Variants in PHF21B observed in about 807,000 individuals in gnomAD.
PHF21B encodes PHD finger protein 21B.
PHF21B carries 22 observed loss-of-function variants against 62.2 expected under a neutral mutation model. That is an observed-to-expected ratio of 0.35 (90% confidence interval 0.25 to 0.51). The LOEUF (loss-of-function observed/expected upper bound fraction) is 0.51. Ranked by LOEUF, PHF21B falls within the 20% of genes least tolerant of loss-of-function variation. The pLI is 0.97. For synonymous variants in PHF21B, 341 were observed against 314.7 expected (o/e 1.08, Z -0.88); for missense variants, 701 against 707.9 (o/e 0.99, Z 0.11).
intron 2 of PHF21B, chr22:45,008,271 G>A (rs1010581582): frequency 3.2e-5 from 10 of 316,052 alleles, no homozygotes; most frequent in Non-Finnish European, 5.7e-5. Context: ...CCAAAAACAT[G>A]TCCACCACCT....
intron 10 of PHF21B, among the ~76,000 whole-genome samples, chr22:44,886,513 C>A (rs1021928622): frequency 6.6e-6 from 1 of 151,518 alleles, no homozygotes; most frequent in African/African-American, 2.4e-5. Context: ...AAAGTGAGAC[C>A]CAACCTCTAC....
chr22:44,987,757 T>C (rs2147496749), intron 2 of PHF21B, among the ~76,000 whole-genome samples: 1 of 79,364 alleles, frequency 1.3e-5, no homozygotes, highest in South Asian at 5.8e-4. Flanking sequence ...CCCAACACTC[T>C]CTCGTCTCCT....
At chr22:44,946,059 G>A (rs1041777361) in intron 2 of PHF21B, among the ~76,000 whole-genome samples, 7 of 151,200 alleles carry the variant, frequency 4.6e-5, no homozygotes, top group East Asian at 3.9e-4. Context: ...GGTGGACACC[G>A]CCCTGGCCTC....
intron 6 of PHF21B, 100 bp downstream of exon 6, chr22:44,895,932 C>A: frequency 7.7e-7 from 1 of 1,304,482 alleles, no homozygotes; most frequent in South Asian, 1.2e-5. Context: ...ATATCGGCTG[C>A]TGCTGAAGCC....
chr22:44,901,085 G>A (rs2071150991), intron 5 of PHF21B, among the ~76,000 whole-genome samples: 1 of 152,268 alleles, frequency 6.6e-6, no homozygotes, highest in Non-Finnish European at 1.5e-5. Flanking sequence ...TGGAGCAGCT[G>A]AGGGGGCTGC....
At chr22:44,931,872 G>C (rs2071749640) in intron 2 of PHF21B, among the ~76,000 whole-genome samples, 1 of 152,192 alleles carries the variant, frequency 6.6e-6, no homozygotes, top group South Asian at 2.1e-4. Context: ...CCCACCAGGA[G>C]CCTCCTGTGC....
intron 2 of PHF21B, among the ~76,000 whole-genome samples, chr22:44,951,750 T>C (rs889260937): frequency 1.8e-4 from 27 of 152,018 alleles, no homozygotes; most frequent in African/African-American, 6.5e-4. Context: ...GCTGAACACC[T>C]TTTTTTTGGT....
intron 2 of PHF21B, among the ~76,000 whole-genome samples, chr22:44,945,723 G>C (rs996428737): frequency 7.6e-5 from 2 of 26,184 alleles, no homozygotes; most frequent in African/African-American, 2.5e-4. Flanking sequence ...AATTGGGGGG[G>C]GGGTGGTATA....
At chr22:44,932,932 G>A (rs1027163832) in intron 2 of PHF21B, among the ~76,000 whole-genome samples, 1 of 152,224 alleles carries the variant, frequency 6.6e-6, no homozygotes, top group Admixed American at 6.5e-5. Flanking sequence ...TAACCACCGT[G>A]CAGACCAAGA....
At chr22:45,000,512 G>A (rs1301985120) in intron 2 of PHF21B, 1 of 152,140 alleles carries the variant, frequency 6.6e-6, no homozygotes, top group Non-Finnish European at 1.5e-5. Context: ...AAATCACAAG[G>A]CTAATCATCA....
chr22:44,979,817 C>T (rs563168613), intron 2 of PHF21B, among the ~76,000 whole-genome samples: 1 of 152,016 alleles, frequency 6.6e-6, no homozygotes, highest in Admixed American at 6.6e-5. Context: ...TTCTGTAATC[C>T]TAGCACTTTG....
chr22:44,908,627 T>G (rs916516382), intron 5 of PHF21B, among the ~76,000 whole-genome samples: 7 of 152,194 alleles, frequency 4.6e-5, no homozygotes, highest in Admixed American at 4.6e-4. Context: ...CAAACACCAA[T>G]CATGTTTCTT....
intron 2 of PHF21B, among the ~76,000 whole-genome samples, chr22:45,005,393 A>G (rs2073296766): frequency 6.6e-6 from 1 of 152,042 alleles, no homozygotes; most frequent in Admixed American, 6.5e-5. Flanking sequence ...TATGAACTTC[A>G]TTTTCAAATA....
intron 12 of PHF21B, among the ~76,000 whole-genome samples, chr22:44,884,022 AC>A (rs2070785692): frequency 1.1e-5 from 1 of 95,044 alleles, no homozygotes; most frequent in African/African-American, 6.1e-5. Context: ...CACCACCGCC[AC>A]CACCATCACT....
At chr22:44,912,906 G>GACAA (rs2071369691) in intron 5 of PHF21B, among the ~76,000 whole-genome samples, 2 of 82,286 alleles carry the variant, frequency 2.4e-5, no homozygotes, top group Non-Finnish European at 4.8e-5. Context: ...AAGACAAAAA[G>GACAA]AAAGGAAAAA....
chr22:44,885,370 G>T, intron 12 of PHF21B, 56 bp downstream of exon 12: 1 of 1,486,218 alleles, frequency 6.7e-7, no homozygotes, highest in Non-Finnish European at 9.1e-7. Context: ...CTGTCCCCTA[G>T]ACCCGGGGCA....
At chr22:44,973,967 G>C (rs2072688346) in intron 2 of PHF21B, among the ~76,000 whole-genome samples, 1 of 152,170 alleles carries the variant, frequency 6.6e-6, no homozygotes, top group South Asian at 2.1e-4. Flanking sequence ...AACAACACTA[G>C]GGGCGTAGTT....
At chr22:44,945,318 G>T (rs2072045120) in intron 2 of PHF21B, among the ~76,000 whole-genome samples, 1 of 152,202 alleles carries the variant, frequency 6.6e-6, no homozygotes, top group Admixed American at 6.5e-5. Context: ...GGCTCCCCCA[G>T]CGCCCTGTGA....
intron 7 of PHF21B, among the ~76,000 whole-genome samples, chr22:44,891,761 C>T (rs190697212): frequency 2.1e-4 from 32 of 152,336 alleles, no homozygotes; most frequent in Middle Eastern, 3.4e-3. Flanking sequence ...ACTGGCTCCC[C>T]TAAATTCCAC....
Sources: allele counts gnomAD v4.1 joint callset (sites outside exome capture counted in the v4.1 genomes callset), GRCh38; gene constraint gnomAD v4.1.1; transcripts MANE v1.5; gene names NCBI Gene and HGNC (gene_info 2026-07-23, HGNC 2026-07-21).